The following SOX5 variants were observed in gnomAD, a reference collection of about 807,000 sequenced individuals.
The protein encoded by SOX5 is SRY-box transcription factor 5.
Under a neutral mutation model 92.0 loss-of-function variants are expected in SOX5, and 9 were observed. That is an observed-to-expected ratio of 0.10 (90% confidence interval 0.06 to 0.17). The LOEUF (loss-of-function observed/expected upper bound fraction) is 0.17, where lower values mean the gene tolerates loss of function less well. Ranked by LOEUF, SOX5 falls within the 10% of genes least tolerant of loss-of-function variation. The probability of loss-of-function intolerance (pLI) is 1.00; values close to 1 mark genes in which losing one functional copy is unlikely to be tolerated. For synonymous variants in SOX5, 344 were observed against 336.3 expected (o/e 1.02, Z -0.25); for missense variants, 642 against 944.5 (o/e 0.68, Z 4.20).
chr12:24,456,818 T>G (rs1297989603), intron 1 of SOX5, among the ~76,000 whole-genome samples: 1 of 152,248 alleles, frequency 6.6e-6, no homozygotes, highest in East Asian at 1.9e-4. Flanking sequence ...CCTGTGAACC[T>G]GACTCGTTAT....
intron 4 of SOX5, among the ~76,000 whole-genome samples, chr12:23,755,409 T>C (rs559768053): frequency 8.6e-5 from 13 of 151,922 alleles, no homozygotes; most frequent in Admixed American, 7.2e-4. Flanking sequence ...AGAGGTATAG[T>C]GGGGTGATTC....
chr12:23,855,861 G>A (rs868813922), intron 2 of SOX5, among the ~76,000 whole-genome samples: 10 of 152,122 alleles, frequency 6.6e-5, no homozygotes, highest in South Asian at 2.1e-4. Flanking sequence ...AAATCAGTCC[G>A]CTCTGTTACG....
chr12:23,987,331 C>T (rs1003183821), intron 4 of SOX5, among the ~76,000 whole-genome samples: 1 of 152,158 alleles, frequency 6.6e-6, no homozygotes, highest in Admixed American at 6.5e-5. Context: ...GAGGAGCCAG[C>T]CATACACAGA....
chr12:24,083,806 T>C (rs1367992440), intron 4 of SOX5, among the ~76,000 whole-genome samples: 1 of 152,018 alleles, frequency 6.6e-6, no homozygotes, highest in East Asian at 1.9e-4. Flanking sequence ...GAGGAATAAT[T>C]AGTGGCCCAC....
intron 4 of SOX5, among the ~76,000 whole-genome samples, chr12:24,093,528 A>AAC (rs1454951413): frequency 6.6e-6 from 1 of 151,570 alleles, no homozygotes; most frequent in African/African-American, 2.4e-5. Flanking sequence ...GTCTCAAAAA[A>AAC]AAAAAAACAA....
At chr12:24,502,963 A>T (rs1948369823) in intron 1 of SOX5, among the ~76,000 whole-genome samples, 1 of 152,256 alleles carries the variant, frequency 6.6e-6, no homozygotes, top group African/African-American at 2.4e-5. Context: ...TGTCAAGATC[A>T]TGAAAAACAG....
intron 1 of SOX5, among the ~76,000 whole-genome samples, chr12:24,400,198 C>A (rs1961178726): frequency 6.6e-6 from 1 of 152,204 alleles, no homozygotes; most frequent in Non-Finnish European, 1.5e-5. Flanking sequence ...AGTCAAATTT[C>A]AGTTGAAACT....
intron 4 of SOX5, among the ~76,000 whole-genome samples, chr12:24,055,722 C>A (rs372473496): frequency 3.3e-5 from 5 of 151,848 alleles, no homozygotes; most frequent in African/African-American, 1.2e-4. Flanking sequence ...CAATTAGTTG[C>A]AAAGAATATT....
chr12:23,930,748 G>C (rs1367514342), intron 1 of SOX5, among the ~76,000 whole-genome samples: 1 of 151,694 alleles, frequency 6.6e-6, no homozygotes, highest in African/African-American at 2.4e-5. Flanking sequence ...ATTTACCCAA[G>C]GGAACTCGTC....
At chr12:23,978,949 C>G (rs1043733494) in intron 4 of SOX5, among the ~76,000 whole-genome samples, 3 of 151,974 alleles carry the variant, frequency 2.0e-5, no homozygotes, top group African/African-American at 4.8e-5. Flanking sequence ...TTCCTTAGTT[C>G]TGGTCATTGC....
chr12:23,838,847 G>GGGGA (rs2096472021), intron 3 of SOX5, among the ~76,000 whole-genome samples: 1 of 58,678 alleles, frequency 1.7e-5, no homozygotes, highest in Non-Finnish European at 4.4e-5. Flanking sequence ...TTTTTTTGGG[G>GGGGA]GGGGGGGGCG....
chr12:24,388,407 T>A (rs1958642389), intron 1 of SOX5, among the ~76,000 whole-genome samples: 1 of 151,970 alleles, frequency 6.6e-6, no homozygotes, highest in Non-Finnish European at 1.5e-5. Context: ...AAGAGTGAGG[T>A]CAGGCCATGC....
At chr12:24,237,878 A>C (rs1964821313) in intron 3 of SOX5, 1 of 152,172 alleles carries the variant, frequency 6.6e-6, no homozygotes, top group African/African-American at 2.4e-5. Flanking sequence ...AATGCACAGG[A>C]AAGTGACCAG....
At chr12:24,100,054 C>G (rs1272538347) in intron 4 of SOX5, among the ~76,000 whole-genome samples, 1 of 152,146 alleles carries the variant, frequency 6.6e-6, no homozygotes, top group East Asian at 1.9e-4. Context: ...GAATCTTATA[C>G]TGAGGAGTGC....
intron 3 of SOX5, among the ~76,000 whole-genome samples, chr12:23,774,069 G>A (rs2095025011): frequency 6.6e-6 from 1 of 152,024 alleles, no homozygotes; most frequent in African/African-American, 2.4e-5. Context: ...GAGAGAAAAA[G>A]GAAGACAAAA....
intron 3 of SOX5, among the ~76,000 whole-genome samples, chr12:23,779,761 TC>T (rs1158444264): frequency 2.1e-5 from 3 of 145,312 alleles, no homozygotes; most frequent in Non-Finnish European, 4.5e-5. Flanking sequence ...CTTTACTATT[TC>T]TTGAATCTTC....
intron 4 of SOX5, among the ~76,000 whole-genome samples, chr12:24,183,204 T>A (rs965727144): frequency 6.6e-6 from 1 of 152,202 alleles, no homozygotes. Flanking sequence ...GTTTAGGCAA[T>A]CTTTTTAAGT....
intron 11 of SOX5, among the ~76,000 whole-genome samples, chr12:23,548,992 G>C (rs1291607116): frequency 6.6e-6 from 1 of 151,878 alleles, no homozygotes; most frequent in Non-Finnish European, 1.5e-5. Context: ...AATCCCACCT[G>C]TCTCCAGCCA....
At chr12:24,510,469 A>G (rs1454369151) in intron 1 of SOX5, among the ~76,000 whole-genome samples, 1 of 152,218 alleles carries the variant, frequency 6.6e-6, no homozygotes, top group Non-Finnish European at 1.5e-5. Flanking sequence ...GTTAAGACAA[A>G]TCAAATTAAA....
Sources: gnomAD v4.1 joint callset for allele counts (sites outside exome capture counted in the v4.1 genomes callset) on GRCh38, gnomAD v4.1.1 for gene constraint, MANE v1.5 for transcripts, NCBI Gene and HGNC (gene_info 2026-07-23, HGNC 2026-07-21) for gene names.